FAM53B: variants seen among roughly 807,000 people sequenced by gnomAD.
The protein encoded by FAM53B is family with sequence similarity 53 member B, also known as protein FAM53B.
FAM53B carries 12 observed loss-of-function variants against 32.7 expected under a neutral mutation model. The ratio of observed to expected loss-of-function variants is 0.37; its 90% CI spans 0.24 to 0.59. The LOEUF (loss-of-function observed/expected upper bound fraction) is 0.59, where lower values mean the gene tolerates loss of function less well. Ranked by LOEUF, FAM53B falls within the 20% of genes least tolerant of loss-of-function variation. The probability of loss-of-function intolerance (pLI) is 0.72; values close to 1 mark genes in which losing one functional copy is unlikely to be tolerated. For missense variants in FAM53B, 477 were observed against 577.7 expected (o/e 0.83, Z 1.79); for synonymous variants, 234 against 228.7 (o/e 1.02, Z -0.21).
chr10:124,726,614 T>C (rs543852678), intron 1 of FAM53B, among the ~76,000 whole-genome samples: 40 of 152,302 alleles, frequency 2.6e-4, no homozygotes, highest in African/African-American at 7.9e-4. Flanking sequence ...AGGTTGACTA[T>C]GCGGTGAAAT....
At chr10:124,657,485 ACAC>A (rs542539443) in intron 4 of FAM53B, among the ~76,000 whole-genome samples, 47 of 152,316 alleles carry the variant, frequency 3.1e-4, no homozygotes, top group Middle Eastern at 3.4e-3. Context: ...GCAAGGAACT[ACAC>A]CAAATATTTA....
At chr10:124,646,508 C>A (rs571656150) in intron 4 of FAM53B, among the ~76,000 whole-genome samples, 4 of 152,202 alleles carry the variant, frequency 2.6e-5, no homozygotes, top group Non-Finnish European at 4.4e-5. Context: ...GCTGTGCCGG[C>A]GCCTTCTGTT....
intron 4 of FAM53B, among the ~76,000 whole-genome samples, chr10:124,644,309 G>A (rs925266989): frequency 1.1e-4 from 16 of 152,182 alleles, no homozygotes; most frequent in East Asian, 5.8e-4. Context: ...AGCTAAGACC[G>A]CAACTCATAG....
intron 4 of FAM53B, among the ~76,000 whole-genome samples, chr10:124,643,643 C>A (rs1364674921): frequency 6.6e-6 from 1 of 152,236 alleles, no homozygotes; most frequent in Non-Finnish European, 1.5e-5. Flanking sequence ...TACATTGTGT[C>A]CACTGGCAGC....
intron 4 of FAM53B, among the ~76,000 whole-genome samples, chr10:124,643,360 C>G (rs1452521589): frequency 6.6e-6 from 1 of 152,272 alleles, no homozygotes. Context: ...CTCAGCAGTT[C>G]TCCCTATTCA....
At chr10:124,711,566 C>T (rs1950003743) in intron 1 of FAM53B, among the ~76,000 whole-genome samples, 1 of 152,150 alleles carries the variant, frequency 6.6e-6, no homozygotes, top group South Asian at 2.1e-4. Context: ...CCAATCTATG[C>T]ATTTATCAAA....
chr10:124,722,386 C>A (rs1421214143), intron 1 of FAM53B, among the ~76,000 whole-genome samples: 3 of 151,910 alleles, frequency 2.0e-5, no homozygotes, highest in Non-Finnish European at 4.4e-5. Flanking sequence ...AAAGAGGAAA[C>A]CATCTTCAGG....
intron 4 of FAM53B, among the ~76,000 whole-genome samples, chr10:124,666,539 C>T (rs1431078482): frequency 1.3e-5 from 2 of 152,128 alleles, no homozygotes; most frequent in African/African-American, 2.4e-5. Context: ...GGACCACAAC[C>T]GTGGAAAAAT....
intron 1 of FAM53B, among the ~76,000 whole-genome samples, chr10:124,717,295 A>T (rs1376059070): frequency 6.6e-6 from 1 of 152,258 alleles, no homozygotes; most frequent in Non-Finnish European, 1.5e-5. Flanking sequence ...GGCTTCAGCC[A>T]GGTCTTTATG....
At chr10:124,719,753 T>A (rs1950058024) in intron 1 of FAM53B, among the ~76,000 whole-genome samples, 1 of 152,192 alleles carries the variant, frequency 6.6e-6, no homozygotes, top group Admixed American at 6.5e-5. Flanking sequence ...CACTCCTCCA[T>A]GCACCTCCCA....
intron 1 of FAM53B, among the ~76,000 whole-genome samples, chr10:124,720,163 A>G (rs988372686): frequency 7.4e-6 from 1 of 135,124 alleles, no homozygotes; most frequent in African/African-American, 2.7e-5. Context: ...GACTTCATCT[A>G]AAAAAAAAAA....
At chr10:124,637,826 T>C (rs1025525342) in intron 4 of FAM53B, among the ~76,000 whole-genome samples, 4 of 152,116 alleles carry the variant, frequency 2.6e-5, no homozygotes, top group Non-Finnish European at 5.9e-5. Context: ...GAAAGACTCT[T>C]CCTGCCATTG....
At position 124,625,614 on chromosome 10, in the gene FAM53B, C is replaced by T. The variant is rs574216445; in HGVS notation, c.907-2010G>A. 1.0e-3 allele frequency among the ~76,000 whole-genome samples: 152 copies of T among 152,324 alleles called. 1 individual carries two copies. The highest frequency in any genetic ancestry group is 3.3e-3 in the African/African-American group (139 of 41,576). Reference sequence around the variant, plus strand: ...CCCCTGGCCAGGCCTGGGCGATGGACCAGCAGCTCCCAAAGCGAACCTGCC... The same window carrying T: ...CCCCTGGCCAGGCCTGGGCGATGGATCAGCAGCTCCCAAAGCGAACCTGCC... On this transcript the variant is annotated intron_variant, in intron 4 of 4. Coordinates refer to ENST00000337318, the MANE Select transcript of FAM53B (RefSeq NM_014661.4).
chr10:124,732,572 T>C (rs1950150952), intron 1 of FAM53B, among the ~76,000 whole-genome samples: 1 of 152,216 alleles, frequency 6.6e-6, no homozygotes, highest in Non-Finnish European at 1.5e-5. Context: ...TAAAAATTGT[T>C]TTTTGGCCAG....
intron 1 of FAM53B, among the ~76,000 whole-genome samples, chr10:124,709,130 C>T (rs1949981694): frequency 1.3e-5 from 2 of 152,244 alleles, no homozygotes; most frequent in South Asian, 4.1e-4. Flanking sequence ...CTCCTCTCGG[C>T]AATGGACGCC....
At chr10:124,712,215 G>A (rs1159109048) in intron 1 of FAM53B, among the ~76,000 whole-genome samples, 2 of 152,182 alleles carry the variant, frequency 1.3e-5, no homozygotes, top group Non-Finnish European at 2.9e-5. Context: ...AATTAGCTTG[G>A]CATGGTGGTG....
intron 1 of FAM53B, among the ~76,000 whole-genome samples, chr10:124,738,672 G>A (rs1337911309): frequency 6.6e-6 from 1 of 151,928 alleles, no homozygotes; most frequent in African/African-American, 2.4e-5. Flanking sequence ...AGTCACACTG[G>A]AGGATATACA....
At chr10:124,728,578 C>G (rs543733493) in intron 1 of FAM53B, among the ~76,000 whole-genome samples, 12 of 152,350 alleles carry the variant, frequency 7.9e-5, no homozygotes, top group Admixed American at 2.0e-4. Context: ...ATGAAGAGAA[C>G]AGCTGCTTCC....
At position 124,660,708 on chromosome 10, in the gene FAM53B, T is replaced by A. The variant is rs188161257; in HGVS notation, c.906+20899A>T. Among the ~76,000 whole-genome samples the A allele has an allele frequency of 3.5e-3, 537 of 152,300 alleles. 2 individuals carry two copies. Among genetic ancestry groups the A allele is most frequent in the African/African-American group, 0.013 (520 of 41,564 alleles). ...CAAGCAAATCCAGTGACTTTCCAAA[T>A]GGGGAAATCGAGACGTAAGGTCATC... On this transcript the variant is annotated intron_variant, in intron 4 of 4. Coordinates refer to ENST00000337318, the MANE Select transcript of FAM53B (RefSeq NM_014661.4).
Sources: allele counts gnomAD v4.1 joint callset (sites outside exome capture counted in the v4.1 genomes callset), GRCh38; gene constraint gnomAD v4.1.1; transcripts MANE v1.5; gene names NCBI Gene and HGNC (gene_info 2026-07-23, HGNC 2026-07-21).